Variants in BIN1 observed in about 807,000 individuals in gnomAD.
BIN1 encodes bridging integrator 1, also known as myc box-dependent-interacting protein 1.
A neutral mutation model predicts 82.0 loss-of-function variants in BIN1; 53 were observed. The observed-to-expected ratio is 0.65, with a 90% confidence interval of 0.52 to 0.81. The LOEUF (loss-of-function observed/expected upper bound fraction) is 0.81, where lower values mean the gene tolerates loss of function less well. Among genes scored for constraint, BIN1 ranks in the 40% least tolerant of loss-of-function variants. The pLI is 0.00. For missense variants in BIN1, 642 were observed against 784.4 expected (o/e 0.82, Z 2.17); for synonymous variants, 302 against 328.0 (o/e 0.92, Z 0.86).
intron 9 of BIN1, among the ~76,000 whole-genome samples, chr2:127,063,146 G>A (rs915534937): frequency 7.2e-5 from 11 of 152,216 alleles, no homozygotes; most frequent in South Asian, 2.1e-4. Flanking sequence ...GTGGATTCAC[G>A]CAGACGAAAC....
At chr2:127,060,733 G>A (rs1684339423) in intron 10 of BIN1, 1 of 1,513,818 alleles carries the variant, frequency 6.6e-7, no homozygotes, top group Non-Finnish European at 9.1e-7. Context: ...CAACCCTTCT[G>A]CTCAGAGGAC....
At chr2:127,105,467 C>CCCT (rs70985434) in intron 1 of BIN1, among the ~76,000 whole-genome samples, 3,000 of 55,704 alleles carry the variant, frequency 0.054, 141 homozygotes, top group African/African-American at 0.13. Context: ...GGGCTTTAAT[C>CCCT]CCTCCTCCTC....
Position 127,082,399 on chromosome 2 carries a change from C to A in BIN1, c.85-5693G>T, listed in dbSNP as rs1573722222. 6.6e-6 allele frequency among the ~76,000 whole-genome samples: 1 copy of A among 152,192 alleles called. No homozygotes were observed. The highest frequency in any genetic ancestry group is 2.1e-4 in the South Asian group (1 of 4,830). The stretch of plus-strand genomic sequence containing the variant: ...GCCTCCGTGGTCACAAGCTCTGAGG[C>A]CTTGCAGGCACTCAGCTGGGGATAC... On this transcript the variant is annotated intron_variant, in intron 1 of 18. Coordinates refer to ENST00000316724, the MANE Select transcript of BIN1 (RefSeq NM_139343.3). This position sits in a 1 kb window ranked among gnomAD's most constrained non-coding sequence, Gnocchi z 6.1.
intron 1 of BIN1, among the ~76,000 whole-genome samples, chr2:127,102,858 G>A (rs1398119564): frequency 2.6e-5 from 4 of 152,256 alleles, no homozygotes; most frequent in Admixed American, 2.6e-4. Context: ...AGAGATACAG[G>A]AAGAGCCTGA....
intron 5 of BIN1, 125 bp downstream of exon 5, chr2:127,069,870 C>A: frequency 1.0e-6 from 1 of 974,514 alleles, no homozygotes. Context: ...GGGTGAAACA[C>A]CGGGCCAGGC....
rs774764729 is a variant in BIN1, at chr2:127,050,909, A to C, written c.1465T>G (p.Ser489Ala). The change falls in exon 17 of 19, where the codon TCT (serine) becomes GCT (alanine). Residue 489 changes from serine (S) to alanine (A), a missense_variant. Ser to Ala is a moderately conservative substitution (Grantham distance 99). Coordinates refer to ENST00000316724, the MANE Select transcript of BIN1 (RefSeq NM_139343.3). ...ETAASEAASS[S>A]LPAVVVETFP... The stretch of plus-strand genomic sequence containing the variant: ...GTCTCCACCACGACAGCAGGAAGAG[A>C]GCTCTGGTGGCAGAGGTACGGGTCA... The C allele has an allele frequency of 1.9e-6, 3 of 1,613,672 alleles. No individual in the cohort carries two copies. In the Admixed American group the frequency reaches 5.0e-5, roughly 27 times the overall value.
In BIN1 at chr2:127,107,033, G is replaced by C; in HGVS notation, c.-90C>G. On this transcript the variant is annotated 5_prime_UTR_variant, in exon 1 of 19. Transcript: ENST00000316724. This position sits in a 1 kb window ranked among gnomAD's most constrained non-coding sequence, Gnocchi z 5.9. Reference sequence around the variant, plus strand: ...TCCCAGCCCCCAGCCCCGGCCGCGCGTCCAGACCGGCTGCCGCTCCACGCC... The same window carrying C: ...TCCCAGCCCCCAGCCCCGGCCGCGCCTCCAGACCGGCTGCCGCTCCACGCC... 2.3e-6 allele frequency: 3 copies of C among 1,289,180 alleles called. No homozygotes were observed. Among genetic ancestry groups the C allele is most frequent in the Non-Finnish European group, 3.0e-6 (3 of 996,538 alleles). 79.9% of individuals were successfully genotyped at this position (1,289,180 alleles called of 1,614,324 possible).
At chr2:127,056,855 G>A (rs1007945582) in intron 12 of BIN1, among the ~76,000 whole-genome samples, 3 of 152,238 alleles carry the variant, frequency 2.0e-5, no homozygotes, top group African/African-American at 4.8e-5. Flanking sequence ...AGGCTCCCCA[G>A]AGGCACCTCC....
intron 18 of BIN1, among the ~76,000 whole-genome samples, chr2:127,050,073 G>A (rs1255589558): frequency 1.3e-5 from 2 of 152,228 alleles, no homozygotes; most frequent in African/African-American, 4.8e-5. Context: ...AGGGAGGCAG[G>A]CCTCAGGCAC....
intron 1 of BIN1, among the ~76,000 whole-genome samples, chr2:127,078,149 C>T (rs1310564656): frequency 3.3e-5 from 5 of 152,246 alleles, no homozygotes; most frequent in African/African-American, 7.2e-5. Flanking sequence ...CCCACCCTGC[C>T]GGCCCTTGCA....
At chr2:127,092,388 A>G (rs1345884406) in intron 1 of BIN1, among the ~76,000 whole-genome samples, 2 of 152,206 alleles carry the variant, frequency 1.3e-5, no homozygotes, top group Non-Finnish European at 2.9e-5. Flanking sequence ...GTGTGACTTC[A>G]GCAGGTGCCA....
intron 7 of BIN1, among the ~76,000 whole-genome samples, chr2:127,065,643 C>T (rs1476631248): frequency 6.6e-6 from 1 of 152,156 alleles, no homozygotes; most frequent in African/African-American, 2.4e-5. Flanking sequence ...ACTAGGACCC[C>T]CTCTCCATGA....
Position 127,057,694 on chromosome 2 carries a change from C to A in BIN1, c.1003-93G>T. On this transcript the variant is annotated intron_variant, in intron 11 of 18. Transcript: ENST00000316724. The surrounding 1 kb of genome is among the most constrained non-coding windows in gnomAD (Gnocchi z 5.0). ...AGACAGAGACAAAGCCACGGTTAGT[C>A]ACACCTCAGGCCACAGTCCCACCCA... The A allele has an allele frequency of 7.1e-7, 1 of 1,409,756 alleles. No individual in the cohort carries two copies. Among genetic ancestry groups the A allele is most frequent in the South Asian group, 1.5e-5 (1 of 64,720 alleles). 87.3% of individuals were successfully genotyped at this position (1,409,756 alleles called of 1,614,324 possible). A position where few individuals can be genotyped will look rare whatever the true frequency, so the allele number is the denominator to read the frequency against.
In BIN1 at chr2:127,082,429, G is replaced by C. The variant is rs1200174939; in HGVS notation, c.85-5723C>G. ...CAGGCACTCAGCTGGGGATACCAGG[G>C]ACATCGCAGGACAAGTCTGCACCGA... On this transcript the variant is annotated intron_variant, in intron 1 of 18. Coordinates refer to ENST00000316724, the MANE Select transcript of BIN1 (RefSeq NM_139343.3). This position sits in a 1 kb window ranked among gnomAD's most constrained non-coding sequence, Gnocchi z 6.1. 1.3e-5 allele frequency among the ~76,000 whole-genome samples: 2 copies of C among 152,116 alleles called. No individual in the cohort carries two copies. Among genetic ancestry groups the C allele is most frequent in the Non-Finnish European group, 2.9e-5 (2 of 68,002 alleles).
rs1398869744 is a variant in BIN1 at position 127,068,888 on chromosome 2, C to CT, written c.519+35dup. 8.8e-6 allele frequency: 14 copies of CT among 1,585,360 alleles called. No homozygotes were observed. The highest frequency in any genetic ancestry group is 1.2e-5 in the Non-Finnish European group (14 of 1,154,464). On this transcript the variant is annotated intron_variant, in intron 6 of 18. Transcript: ENST00000316724. This position sits in a 1 kb window ranked among gnomAD's most constrained non-coding sequence, Gnocchi z 4.9. ...TAGACACCCGCCCTCTCTCAGCCCCCTGCAGACGCTGCCCCGACCCGCCTC... is the reference window on the plus strand; with the variant it reads ...TAGACACCCGCCCTCTCTCAGCCCCCTTGCAGACGCTGCCCCGACCCGCCTC...
At position 127,065,614 on chromosome 2, in the gene BIN1, C is replaced by A. The variant is rs573240748; in HGVS notation, c.613-1596G>T. ...CACATTCCGTAAGAACCTGCCTGGA[C>A]CACCCGGCTCCTGTACCCACTAGGA... On this transcript the variant is annotated intron_variant, in intron 7 of 18. Transcript: ENST00000316724. Among the ~76,000 whole-genome samples the A allele has an allele frequency of 3.2e-3, 491 of 152,278 alleles. 5 individuals carry two copies. The highest frequency in any genetic ancestry group is 9.8e-3 in the African/African-American group (409 of 41,550).
chr2:127,083,242 G>A (rs1290395673), intron 1 of BIN1, among the ~76,000 whole-genome samples: 1 of 151,924 alleles, frequency 6.6e-6, no homozygotes, highest in East Asian at 1.9e-4. Context: ...ACTGCACCTA[G>A]CTAGTATTTT....
intron 1 of BIN1, among the ~76,000 whole-genome samples, chr2:127,089,256 G>A (rs540345364): frequency 1.3e-5 from 2 of 152,272 alleles, no homozygotes; most frequent in East Asian, 3.9e-4. Flanking sequence ...GACCACAGAG[G>A]CCCCTGGAAG....
Position 127,048,270 on chromosome 2 carries a change from A to G in BIN1, c.*256T>C. 2.1e-6 allele frequency: 1 copy of G among 485,498 alleles called. No individual in the cohort carries two copies. The highest frequency in any genetic ancestry group is 3.3e-5 in the Admixed American group (1 of 30,244). The allele number at this position is 485,498 out of a possible 1,614,324, so 30.1% of individuals were successfully genotyped here. On this transcript the variant is annotated 3_prime_UTR_variant, in exon 19 of 19. Coordinates refer to ENST00000316724, the MANE Select transcript of BIN1 (RefSeq NM_139343.3). ...TGCGGCCAGGCACACATGCGGGCAC[A>G]GGCAGGGGCGCCAGAAACTCAACTA... is the stretch of plus-strand genomic sequence containing the variant.
Sources: gnomAD v4.1 joint callset for allele counts (sites outside exome capture counted in the v4.1 genomes callset) on GRCh38, gnomAD v4.1.1 for gene constraint, Gnocchi (gnomAD v3.1) non-coding constraint, MANE v1.5 for transcripts, NCBI Gene and HGNC (gene_info 2026-07-23, HGNC 2026-07-21) for gene names.